TENM1: variants seen among roughly 807,000 people sequenced by gnomAD.
TENM1 encodes teneurin transmembrane protein 1, also known as teneurin-1.
Under a neutral mutation model 174.8 loss-of-function variants are expected in TENM1, and 35 were observed. The ratio of observed to expected loss-of-function variants is 0.20; its 90% CI spans 0.15 to 0.27. The LOEUF (loss-of-function observed/expected upper bound fraction) is 0.27, where lower values mean the gene tolerates loss of function less well. Among genes scored for constraint, TENM1 ranks in the 10% least tolerant of loss-of-function variants. The probability of loss-of-function intolerance (pLI) is 1.00; values close to 1 mark genes in which losing one functional copy is unlikely to be tolerated. For missense variants in TENM1, 1,633 were observed against 2,130.1 expected, an observed-to-expected ratio of 0.77 and a Z score of 4.59; for synonymous variants, 781 against 798.7, an observed-to-expected ratio of 0.98 and a Z score of 0.37.
chrX:124,376,762 C>CT (rs1295333655), exon 32 of TENM1: 1 of 107,657 alleles, frequency 9.3e-6, no homozygotes, highest in South Asian at 3.9e-4. Context: ...GTTTTTTGCG[C>CT]TTTTTTTGTT....
intron 1 of TENM1, among the ~76,000 whole-genome samples, chrX:124,953,238 C>A: frequency 8.9e-6 from 1 of 111,917 alleles, no homozygotes; most frequent in Non-Finnish European, 1.9e-5. Context: ...ATTTCTGAAT[C>A]TTCCTCAAAT....
chrX:125,173,251 T>C, the TENM1 span, among the ~76,000 whole-genome samples: 10 of 111,786 alleles, frequency 8.9e-5, no homozygotes, highest in African/African-American at 3.2e-4. Flanking sequence ...TATAATTTAG[T>C]ATGAACATAA....
chrX:125,155,363 G>T, the TENM1 span, among the ~76,000 whole-genome samples: 2 of 111,880 alleles, frequency 1.8e-5, no homozygotes, highest in African/African-American at 6.5e-5. Context: ...AGACATAAAG[G>T]TTCTCCAAGT....
At chrX:125,198,992 C>G in the TENM1 span, among the ~76,000 whole-genome samples, 1 of 111,733 alleles carries the variant, frequency 8.9e-6, no homozygotes, top group Non-Finnish European at 1.9e-5. Flanking sequence ...CAAGCAACAT[C>G]TCCTTATACA....
chrX:124,820,217 G>C (rs887986957), intron 3 of TENM1, among the ~76,000 whole-genome samples: 2 of 111,295 alleles, frequency 1.8e-5, no homozygotes, highest in Admixed American at 9.6e-5. Context: ...AACCCATTTT[G>C]CTTCCTTACT....
the TENM1 span, among the ~76,000 whole-genome samples, chrX:125,095,087 T>C: frequency 1.8e-5 from 2 of 111,938 alleles, no homozygotes; most frequent in South Asian, 7.5e-4. Context: ...AAATAACTTA[T>C]TCAAAGTGAC....
chrX:124,472,487 C>T (rs1237610630), intron 22 of TENM1, among the ~76,000 whole-genome samples: 1 of 105,455 alleles, frequency 9.5e-6, no homozygotes, highest in Non-Finnish European at 1.9e-5. Context: ...GTAGTGACAT[C>T]TATAAACCCT....
Position 124,399,155 on chromosome X carries a change from C to A in TENM1, c.5391+5876G>T, listed in dbSNP as rs369151413. ...TTAGGAAATGGGCTTTTGAGCCAGACTGCCTGAATTCAAATCCTGTGATCA... is the reference window on the plus strand; with the variant it reads ...TTAGGAAATGGGCTTTTGAGCCAGAATGCCTGAATTCAAATCCTGTGATCA... On this transcript the variant is annotated intron_variant, in intron 27 of 31. Coordinates refer to ENST00000422452, the Ensembl canonical transcript of TENM1. Among the ~76,000 whole-genome samples, 9 of 112,140 alleles carry A rather than the reference C, an allele frequency of 8.0e-5. No individual in the cohort carries two copies. In the South Asian group the frequency reaches 1.1e-3, roughly 14 times the overall value.
intron 11 of TENM1, among the ~76,000 whole-genome samples, chrX:124,627,237 T>C (rs751689508): frequency 1.8e-5 from 2 of 111,559 alleles, no homozygotes; most frequent in East Asian, 5.6e-4. Context: ...GAATTGCTGC[T>C]AATTAAAATG....
In TENM1 at chrX:124,566,478, G is replaced by A. The variant is rs577110187; in HGVS notation, c.2078-918C>T. 4.5e-5 allele frequency among the ~76,000 whole-genome samples: 5 copies of A among 111,891 alleles called. No individual in the cohort carries two copies. The South Asian group carries it at 1.9e-3, about 42-fold the overall frequency. Reference sequence around the variant, plus strand: ...CATAAAAGCATGGCAAGCCTCTTTCGTGATCTAATTCCCTTGCTGGAGGAA... The same window carrying A: ...CATAAAAGCATGGCAAGCCTCTTTCATGATCTAATTCCCTTGCTGGAGGAA... On this transcript the variant is annotated intron_variant, in intron 11 of 31. Transcript: ENST00000422452.
chrX:124,729,806 G>A (rs1175917328), intron 4 of TENM1, among the ~76,000 whole-genome samples: 1 of 112,060 alleles, frequency 8.9e-6, no homozygotes, highest in Non-Finnish European at 1.9e-5. Context: ...GTCAAAATGT[G>A]GGAGAAGGGG....
intron 1 of TENM1, among the ~76,000 whole-genome samples, chrX:124,924,479 G>C (rs1483507787): frequency 3.6e-5 from 4 of 110,968 alleles, no homozygotes; most frequent in Non-Finnish European, 7.6e-5. Context: ...ACTGTTCAAG[G>C]CTCTCTACCA....
intron 23 of TENM1, among the ~76,000 whole-genome samples, chrX:124,436,426 C>T (rs987107690): frequency 9.0e-6 from 1 of 110,928 alleles, no homozygotes. Context: ...ACTTCCAGCT[C>T]CTCTCCCTAC....
At chrX:124,489,608 T>C (rs2047022800) in intron 20 of TENM1, among the ~76,000 whole-genome samples, 1 of 111,822 alleles carries the variant, frequency 8.9e-6, no homozygotes, top group Non-Finnish European at 1.9e-5. Flanking sequence ...GTTAAATATT[T>C]GTCCTTTTAT....
the TENM1 span, among the ~76,000 whole-genome samples, chrX:125,164,084 AG>A: frequency 2.7e-5 from 3 of 111,776 alleles, no homozygotes; most frequent in East Asian, 8.4e-4. Flanking sequence ...GCTGATCTGG[AG>A]AGAAACAAGT....
chrX:124,477,304 C>A (rs755888430), intron 22 of TENM1, among the ~76,000 whole-genome samples: 1 of 112,142 alleles, frequency 8.9e-6, no homozygotes, highest in Non-Finnish European at 1.9e-5. Flanking sequence ...ACTATGGGTA[C>A]ACTACTAGGT....
chrX:124,452,937 C>T (rs1042788675), intron 23 of TENM1, among the ~76,000 whole-genome samples: 4 of 108,930 alleles, frequency 3.7e-5, no homozygotes, highest in Non-Finnish European at 7.6e-5. Flanking sequence ...GTGCAGCACA[C>T]CAACATGGCA....
intron 6 of TENM1, among the ~76,000 whole-genome samples, chrX:124,655,890 G>T (rs2148403868): frequency 9.0e-6 from 1 of 111,402 alleles, no homozygotes; most frequent in Non-Finnish European, 1.9e-5. Context: ...AGATCAATTT[G>T]GCCCCTAAAG....
intron 3 of TENM1, among the ~76,000 whole-genome samples, chrX:124,857,546 T>C (rs202030491): frequency 9.0e-6 from 1 of 111,625 alleles, no homozygotes; most frequent in East Asian, 2.8e-4. Flanking sequence ...GGAAAATCTG[T>C]AGAGACAAAA....
Sources: gnomAD v4.1 joint callset for allele counts (sites outside exome capture counted in the v4.1 genomes callset) on GRCh38, gnomAD v4.1.1 for gene constraint, MANE v1.5 for transcripts, NCBI Gene and HGNC (gene_info 2026-07-23, HGNC 2026-07-21) for gene names.